Variants in IPPK observed in about 807,000 individuals in gnomAD.
IPPK encodes the protein inositol-pentakisphosphate 2-kinase.
IPPK carries 22 observed loss-of-function variants against 64.6 expected under a neutral mutation model. The ratio of observed to expected loss-of-function variants is 0.34; its 90% CI spans 0.24 to 0.49. The LOEUF is 0.49. IPPK is among the 20% of genes least tolerant of loss of function. IPPK has a pLI of 0.99. For synonymous variants in IPPK, 262 were observed against 247.2 expected (o/e 1.06, Z -0.56); for missense variants, 532 against 630.7 (o/e 0.84, Z 1.68).
chr9:92,652,047 G>A (rs974377871), intron 4 of IPPK, among the ~76,000 whole-genome samples: 2 of 152,012 alleles, frequency 1.3e-5, no homozygotes, highest in East Asian at 1.9e-4. Flanking sequence ...TGCCTTTACT[G>A]GTTCTTCATC....
At chr9:92,620,365 G>GAGAA (rs1418219044) in intron 11 of IPPK, 1 of 152,344 alleles carries the variant, frequency 6.6e-6, no homozygotes, top group African/African-American at 2.4e-5. Context: ...CGCGGGCAGG[G>GAGAA]AGAAAGGTGA....
At chr9:92,627,927 T>TGAG (rs1851763528) in intron 11 of IPPK, among the ~76,000 whole-genome samples, 1 of 152,152 alleles carries the variant, frequency 6.6e-6, no homozygotes, top group African/African-American at 2.4e-5. Context: ...ACACATGATC[T>TGAG]TAAATAGAGA....
chr9:92,619,952 C>T (rs980472372), intron 11 of IPPK: 3 of 251,994 alleles, frequency 1.2e-5, no homozygotes, highest in East Asian at 7.8e-5. Context: ...GAGTATCACT[C>T]GACACCTGCA....
intron 1 of IPPK, among the ~76,000 whole-genome samples, chr9:92,667,265 G>A (rs1017281568): frequency 1.3e-5 from 2 of 152,226 alleles, no homozygotes; most frequent in South Asian, 2.1e-4. Context: ...CCGGCTGGAA[G>A]GAGGCTGGGC....
chr9:92,615,552 AAAG>A lies in IPPK; in HGVS notation c.*277_*279del, dbSNP rs973007589. On this transcript the variant is annotated 3_prime_UTR_variant, in exon 13 of 13. Transcript: ENST00000287996. ...GAATCAGACATGAGCCCTGGTTGGG[AAAG>A]AAGAACTATCCAGAACGTCTTCCCA... 9 of 377,272 alleles carry A rather than the reference AAAG, an allele frequency of 2.4e-5. No homozygotes were observed. The highest frequency in any genetic ancestry group is 8.3e-5 in the African/African-American group (4 of 48,040). 23.4% of individuals were successfully genotyped at this position (377,272 alleles called of 1,614,324 possible).
At chr9:92,623,477 T>A (rs1018212550) in intron 11 of IPPK, among the ~76,000 whole-genome samples, 9 of 149,434 alleles carry the variant, frequency 6.0e-5, no homozygotes, top group Non-Finnish European at 1.3e-4. Context: ...ATAGGCTACA[T>A]AGTGGGAAAA....
At chr9:92,660,264 C>T (rs1048705840) in intron 1 of IPPK, among the ~76,000 whole-genome samples, 9 of 152,184 alleles carry the variant, frequency 5.9e-5, no homozygotes, top group African/African-American at 2.2e-4. Context: ...TTCAGTGATG[C>T]CCTGCTAGCG....
rs1348865835 is a variant in IPPK at position 92,656,537 on chromosome 9, T to C, written c.144A>G (p.Ile48Met). ...CCACTATGTTCTGCAGGTGTTGAAA[T>C]ATCTCTTCCGAGGTCTGTAAGAGAC... ...PPNRKKTSEE[I>M]FQHLQNIVDF... Residue 48 changes from isoleucine (I) to methionine (M), a missense_variant, in exon 3 of 13, where the codon ATA (isoleucine) becomes ATG (methionine). Physicochemically the swap from Ile to Met is conservative, Grantham distance 10. Coordinates refer to ENST00000287996, the MANE Select transcript of IPPK (RefSeq NM_022755.6). 1.9e-6 allele frequency: 3 copies of C among 1,612,116 alleles called. No homozygotes were observed. Among genetic ancestry groups the C allele is most frequent in the South Asian group, 2.2e-5 (2 of 91,048 alleles).
intron 11 of IPPK, among the ~76,000 whole-genome samples, chr9:92,627,602 C>T (rs1851757118): frequency 6.6e-6 from 1 of 152,198 alleles, no homozygotes; most frequent in Admixed American, 6.5e-5. Flanking sequence ...GGACAAAAAC[C>T]ACATGATAAT....
intron 4 of IPPK, 96 bp from the exon 5 acceptor site, chr9:92,649,670 G>C (rs535730098): frequency 7.0e-7 from 1 of 1,438,440 alleles, no homozygotes; most frequent in Admixed American, 1.8e-5. Context: ...CTGGTTCCAG[G>C]GGGCATCTCT....
At chr9:92,634,062 G>A (rs1207901517) in intron 11 of IPPK, among the ~76,000 whole-genome samples, 1 of 152,252 alleles carries the variant, frequency 6.6e-6, no homozygotes, top group Non-Finnish European at 1.5e-5. Context: ...GGGCCTTGTA[G>A]CAAGGGACAG....
intron 1 of IPPK, among the ~76,000 whole-genome samples, chr9:92,660,891 A>C (rs909032384): frequency 4.6e-5 from 7 of 152,272 alleles, no homozygotes; most frequent in Admixed American, 1.3e-4. Flanking sequence ...CTTATGAAGA[A>C]AAAATTTTTA....
intron 11 of IPPK, among the ~76,000 whole-genome samples, chr9:92,623,539 A>G (rs1851681907): frequency 6.6e-6 from 1 of 152,240 alleles, no homozygotes; most frequent in South Asian, 2.1e-4. Flanking sequence ...GAATATACAA[A>G]GAATGCCTTC....
At chr9:92,623,326 C>T (rs527803491) in intron 11 of IPPK, among the ~76,000 whole-genome samples, 4 of 151,576 alleles carry the variant, frequency 2.6e-5, no homozygotes, top group East Asian at 3.9e-4. Context: ...CCCAGCTACT[C>T]GGGAGGCTGA....
intron 6 of IPPK, 83 bp from the exon 7 acceptor site, chr9:92,642,893 G>A: frequency 9.1e-7 from 1 of 1,100,236 alleles, no homozygotes. Context: ...AACAGCATCA[G>A]TGATGAAGAC....
At chr9:92,619,443 C>G in intron 12 of IPPK, 43 bp downstream of exon 12, 1 of 1,483,954 alleles carries the variant, frequency 6.7e-7, no homozygotes, top group South Asian at 1.2e-5. Context: ...GTCCATAAAA[C>G]CCCGTTAGAC....
chr9:92,658,625 C>G lies in IPPK; in HGVS notation c.129+9G>C, dbSNP rs758829362. 6.2e-7 allele frequency: 1 copy of G among 1,611,696 alleles called. No homozygotes were observed. The highest frequency in any genetic ancestry group is 8.5e-7 in the Non-Finnish European group (1 of 1,177,922). On this transcript the variant is annotated intron_variant, in intron 2 of 12. Coordinates refer to ENST00000287996, the MANE Select transcript of IPPK (RefSeq NM_022755.6). ...GTTGTAAGTCTGGGTGCAAACCCAC[C>G]CATCTTACCTTCTTCCTATTTGGAG...
chr9:92,670,102 C>T lies in IPPK; in HGVS notation c.-114G>A, dbSNP rs1852699700. The T allele has an allele frequency of 1.5e-6, 1 of 657,886 alleles. No individual in the cohort carries two copies. Among genetic ancestry groups the T allele is most frequent in the Non-Finnish European group, 2.4e-6 (1 of 418,886 alleles). The allele number at this position is 657,886 out of a possible 1,614,324, so 40.8% of individuals were successfully genotyped here. A position where few individuals can be genotyped will look rare whatever the true frequency, so the allele number is the denominator to read the frequency against. On this transcript the variant is annotated 5_prime_UTR_variant, in exon 1 of 13. Coordinates refer to ENST00000287996, the MANE Select transcript of IPPK (RefSeq NM_022755.6). ...TCGGGGGAGGAGCGCCTGTCAGCTG[C>T]CGCCCCCGCTCGACCCCGCCGCGGC...
At chr9:92,662,686 T>C (rs1852510588) in intron 1 of IPPK, among the ~76,000 whole-genome samples, 1 of 152,012 alleles carries the variant, frequency 6.6e-6, no homozygotes, top group South Asian at 2.1e-4. Flanking sequence ...CTTGGAAAAT[T>C]AGATGAAAAT....
Sources: gnomAD v4.1 joint callset for allele counts (sites outside exome capture counted in the v4.1 genomes callset) on GRCh38, gnomAD v4.1.1 for gene constraint, MANE v1.5 for transcripts, NCBI Gene and HGNC (gene_info 2026-07-23, HGNC 2026-07-21) for gene names.